The following DSCAM variants were observed in gnomAD, a reference collection of about 807,000 sequenced individuals.
The protein encoded by DSCAM is DS cell adhesion molecule.
Under a neutral mutation model 217.7 loss-of-function variants are expected in DSCAM, and 47 were observed. The observed-to-expected ratio is 0.22, with a 90% CI of 0.17 to 0.28. DSCAM has a LOEUF of 0.28. Among genes scored for constraint, DSCAM ranks in the 10% least tolerant of loss-of-function variants. The pLI is 1.00. For synonymous variants in DSCAM, 1,056 were observed against 1,015.3 expected (o/e 1.04, Z -0.76); for missense variants, 2,080 against 2,618.3 (o/e 0.79, Z 4.49).
At position 40,143,874 on chromosome 21, in the gene DSCAM, G is replaced by T. The variant is rs926803545; in HGVS notation, c.3259+617C>A. 2.8e-4 allele frequency among the ~76,000 whole-genome samples: 42 copies of T among 152,298 alleles called. 1 individual carries two copies. Among genetic ancestry groups the T allele is most frequent in the African/African-American group, 1.0e-3 (42 of 41,568 alleles). Reference sequence around the variant, plus strand: ...CCTGCCTTCAAAGCTACCACTTATTGCTACAAATAACCCCATATCTTAACT... The same window carrying T: ...CCTGCCTTCAAAGCTACCACTTATTTCTACAAATAACCCCATATCTTAACT... On this transcript the variant is annotated intron_variant, in intron 17 of 32. Coordinates refer to ENST00000400454, the MANE Select transcript of DSCAM (RefSeq NM_001389.5).
chr21:40,772,294 G>T (rs2091452182), intron 1 of DSCAM, among the ~76,000 whole-genome samples: 1 of 152,096 alleles, frequency 6.6e-6, no homozygotes, highest in Non-Finnish European at 1.5e-5. Context: ...TCAGCTTCCT[G>T]AGTAGCTGGG....
intron 9 of DSCAM, among the ~76,000 whole-genome samples, chr21:40,310,207 A>G (rs181543857): frequency 6.9e-4 from 105 of 152,316 alleles, no homozygotes; most frequent in African/African-American, 2.4e-3. Flanking sequence ...GATTTTTGGG[A>G]AAAAAGAACA....
chr21:40,824,630 G>T (rs1249871838), intron 1 of DSCAM, among the ~76,000 whole-genome samples: 2 of 151,892 alleles, frequency 1.3e-5, no homozygotes, highest in Non-Finnish European at 2.9e-5. Flanking sequence ...TTCCAGGCTG[G>T]TTTCAAACTC....
chr21:40,481,683 G>T, intron 3 of DSCAM, among the ~76,000 whole-genome samples: 1 of 152,046 alleles, frequency 6.6e-6, no homozygotes, highest in Non-Finnish European at 1.5e-5. Context: ...TTCTTCTTCT[G>T]ATTTTTAAAG....
At chr21:40,276,786 C>A (rs752270817) in intron 10 of DSCAM, among the ~76,000 whole-genome samples, 4 of 152,120 alleles carry the variant, frequency 2.6e-5, no homozygotes, top group South Asian at 2.1e-4. Flanking sequence ...TCTAGACACA[C>A]AATACACCAT....
chr21:40,050,672 G>A (rs996792718), intron 30 of DSCAM, among the ~76,000 whole-genome samples: 4 of 152,064 alleles, frequency 2.6e-5, no homozygotes, highest in African/African-American at 4.8e-5. Flanking sequence ...TAGTAGAGAC[G>A]AGGTTTCACC....
In DSCAM at chr21:40,465,236, G is replaced by C. The variant is rs114420505; in HGVS notation, c.509-95991C>G. Among the ~76,000 whole-genome samples, 766 of 152,080 alleles carry C rather than the reference G, an allele frequency of 5.0e-3. 8 individuals are homozygous for C. The highest frequency in any genetic ancestry group is 0.017 in the African/African-American group (723 of 41,492). On this transcript the variant is annotated intron_variant, in intron 3 of 32. Transcript: ENST00000400454. The stretch of plus-strand genomic sequence containing the variant: ...TCTACTACTTGGCTTGGGATGTGTT[G>C]TCCTTTTGCTGCACGAAACACATGA...
At chr21:40,425,607 A>G (rs2075465841) in intron 3 of DSCAM, among the ~76,000 whole-genome samples, 1 of 144,910 alleles carries the variant, frequency 6.9e-6, no homozygotes, top group African/African-American at 2.6e-5. Flanking sequence ...GTTGTTCAGG[A>G]GGCTGATACA....
chr21:40,369,252 T>G lies in DSCAM; in HGVS notation c.509-7A>C. ...GTGATGAGAAATCTAGATCCTGAAA[T>G]AGAGGAAAACAGTGGCTTGGTTAAA... is the stretch of plus-strand genomic sequence containing the variant. On this transcript the variant is annotated splice_polypyrimidine_tract_variant and splice_region_variant and intron_variant, in intron 3 of 32. Transcript: ENST00000400454. 1 of 1,606,252 alleles carries G rather than the reference T, an allele frequency of 6.2e-7. No individual in the cohort carries two copies. The highest frequency in any genetic ancestry group is 8.5e-7 in the Non-Finnish European group (1 of 1,176,752).
In DSCAM at chr21:40,798,226, G is replaced by T. The variant is rs184841822; in HGVS notation, c.43+48393C>A. On this transcript the variant is annotated intron_variant, in intron 1 of 32. Coordinates refer to ENST00000400454, the MANE Select transcript of DSCAM (RefSeq NM_001389.5). ...TGCTCCACCACGAAGAAGGAAATAT[G>T]CATTTGATCTAAAAGAAGAAAAGAG... Among the ~76,000 whole-genome samples the T allele has an allele frequency of 8.6e-4, 131 of 152,058 alleles. 1 individual carries two copies. Among genetic ancestry groups the T allele is most frequent in the Non-Finnish European group, 9.1e-4 (62 of 67,956 alleles).
chr21:40,419,120 G>A (rs925301330), intron 3 of DSCAM, among the ~76,000 whole-genome samples: 3 of 146,488 alleles, frequency 2.0e-5, no homozygotes, highest in Non-Finnish European at 4.5e-5. Context: ...ACAGGTGCCC[G>A]CCACCATACC....
At chr21:40,117,473 A>G (rs1788632907) in intron 20 of DSCAM, among the ~76,000 whole-genome samples, 1 of 152,110 alleles carries the variant, frequency 6.6e-6, no homozygotes, top group Admixed American at 6.5e-5. Context: ...AACCTGCGTG[A>G]CCCTGGCCAG....
chr21:40,834,952 G>A (rs968880889), intron 1 of DSCAM, among the ~76,000 whole-genome samples: 15 of 152,084 alleles, frequency 9.9e-5, no homozygotes, highest in African/African-American at 3.6e-4. Flanking sequence ...CACCACAATC[G>A]ACTCATTGCA....
intron 1 of DSCAM, among the ~76,000 whole-genome samples, chr21:40,726,579 T>C (rs1294875673): frequency 2.7e-5 from 4 of 150,738 alleles, no homozygotes; most frequent in Non-Finnish European, 5.9e-5. Flanking sequence ...GAAAGCAAAG[T>C]CTGTAAGTGA....
chr21:40,605,325 T>C (rs2089218293), intron 3 of DSCAM, among the ~76,000 whole-genome samples: 1 of 152,180 alleles, frequency 6.6e-6, no homozygotes, highest in Non-Finnish European at 1.5e-5. Flanking sequence ...GTTTGCCCTG[T>C]GACCTCAATC....
intron 3 of DSCAM, among the ~76,000 whole-genome samples, chr21:40,380,263 T>C (rs2075006807): frequency 6.6e-6 from 1 of 152,248 alleles, no homozygotes; most frequent in Non-Finnish European, 1.5e-5. Flanking sequence ...TTTGCTCTAG[T>C]TAGATTTCTA....
At chr21:40,138,777 A>T (rs1180998430) in intron 18 of DSCAM, among the ~76,000 whole-genome samples, 1 of 117,990 alleles carries the variant, frequency 8.5e-6, no homozygotes, top group African/African-American at 3.4e-5. Context: ...TGTGCAGTGT[A>T]TGGGGGGTAT....
chr21:40,542,197 TAC>T (rs2076547617), intron 3 of DSCAM, among the ~76,000 whole-genome samples: 1 of 152,170 alleles, frequency 6.6e-6, no homozygotes, highest in African/African-American at 2.4e-5. Context: ...AAAAAATAAA[TAC>T]TCAATCTCAA....
intron 1 of DSCAM, among the ~76,000 whole-genome samples, chr21:40,831,232 A>G (rs866956936): frequency 6.6e-6 from 1 of 152,236 alleles, no homozygotes; most frequent in African/African-American, 2.4e-5. Flanking sequence ...CATATATCAC[A>G]TATGAGTAGC....
Sources: allele counts gnomAD v4.1 joint callset (sites outside exome capture counted in the v4.1 genomes callset), GRCh38; gene constraint gnomAD v4.1.1; transcripts MANE v1.5; gene names NCBI Gene and HGNC (gene_info 2026-07-23, HGNC 2026-07-21).